The following FNBP1 variants were observed in gnomAD, a reference collection of about 807,000 sequenced individuals.
FNBP1 encodes formin binding protein 1.
In FNBP1, 26 loss-of-function variants were observed where a neutral mutation model predicts 90.6. The observed-to-expected ratio is 0.29, with a 90% confidence interval of 0.21 to 0.40. The LOEUF (loss-of-function observed/expected upper bound fraction) is 0.40. FNBP1 is among the 10% of genes least tolerant of loss of function. The probability of loss-of-function intolerance (pLI) is 1.00; values close to 1 mark genes in which losing one functional copy is unlikely to be tolerated. For synonymous variants in FNBP1, 260 were observed against 265.2 expected (o/e 0.98, Z 0.19); for missense variants, 635 against 768.0 (o/e 0.83, Z 2.05).
At position 129,957,604 on chromosome 9, in the gene FNBP1, T is replaced by C; in HGVS notation, c.409-140A>G. 1.4e-6 allele frequency: 1 copy of C among 698,590 alleles called. No individual in the cohort carries two copies. The highest frequency in any genetic ancestry group is 1.9e-5 in the South Asian group (1 of 51,778). The allele number at this position is 698,590 out of a possible 1,614,324, so 43.3% of individuals were successfully genotyped here. On this transcript the variant is annotated intron_variant, in intron 5 of 16. Coordinates refer to ENST00000446176, the MANE Select transcript of FNBP1 (RefSeq NM_015033.3). This position sits in a 1 kb window ranked among gnomAD's most constrained non-coding sequence, Gnocchi z 4.3. ...TCTCACTTTGTCACCCAGGCTGGAGTGCAGTGGCGCCATCTTGGCTCACTG... is the reference window on the plus strand; with the variant it reads ...TCTCACTTTGTCACCCAGGCTGGAGCGCAGTGGCGCCATCTTGGCTCACTG...
chr9:129,946,077 G>A (rs557024905), intron 6 of FNBP1, among the ~76,000 whole-genome samples: 434 of 152,212 alleles, frequency 2.9e-3, no homozygotes, highest in Middle Eastern at 0.017. Context: ...GCTGAGGCAC[G>A]AGAATCACTT....
At chr9:129,967,254 G>A (rs1003465250) in intron 4 of FNBP1, among the ~76,000 whole-genome samples, 4 of 152,336 alleles carry the variant, frequency 2.6e-5, no homozygotes, top group South Asian at 4.1e-4. Flanking sequence ...GGTGGCTCAC[G>A]CCTGTGATCC....
intron 6 of FNBP1, among the ~76,000 whole-genome samples, chr9:129,955,077 G>C (rs2046720673): frequency 6.6e-6 from 1 of 152,030 alleles, no homozygotes; most frequent in Non-Finnish European, 1.5e-5. Context: ...AGTCCACAAT[G>C]ATGACTCAGC....
upstream of FNBP1, among the ~76,000 whole-genome samples, chr9:130,046,634 C>T (rs1012985836): frequency 2.0e-4 from 29 of 146,798 alleles, no homozygotes; most frequent in African/African-American, 6.8e-4. Context: ...CCAGTGTGGT[C>T]ATGGGTGCCT....
Position 129,916,106 on chromosome 9 carries a change from A to G in FNBP1, c.1171-126T>C. ...GTTCCGCCATATTAAAATAACACACACGTCTACCCGCTGATTTATAAAAAT... is the reference window on the plus strand; with the variant it reads ...GTTCCGCCATATTAAAATAACACACGCGTCTACCCGCTGATTTATAAAAAT... On this transcript the variant is annotated intron_variant, in intron 10 of 16. Transcript: ENST00000446176. 9.1e-6 allele frequency: 6 copies of G among 659,452 alleles called. No homozygotes were observed. The South Asian group carries it at 1.1e-4, about 12-fold the overall frequency. 40.9% of individuals were successfully genotyped at this position (659,452 alleles called of 1,614,324 possible).
At chr9:129,996,034 C>T (rs1267281256) in intron 1 of FNBP1, among the ~76,000 whole-genome samples, 2 of 152,038 alleles carry the variant, frequency 1.3e-5, no homozygotes, top group Non-Finnish European at 2.9e-5. Context: ...TGGAGGCTGG[C>T]AAGGGTATGA....
the FNBP1 span, among the ~76,000 whole-genome samples, chr9:130,049,708 AAT>A: frequency 2.0e-5 from 3 of 151,954 alleles, no homozygotes; most frequent in Non-Finnish European, 2.9e-5. Context: ...CTCAAAAAAA[AAT>A]AAAAATAAAA....
intron 1 of FNBP1, among the ~76,000 whole-genome samples, chr9:130,004,498 C>T (rs1206150149): frequency 1.3e-5 from 2 of 152,142 alleles, no homozygotes; most frequent in Admixed American, 6.6e-5. Context: ...GCTATCTAGA[C>T]TGCTATTTCT....
intron 6 of FNBP1, among the ~76,000 whole-genome samples, chr9:129,943,384 CTTT>C (rs11415197): frequency 2.5e-4 from 26 of 102,654 alleles, no homozygotes; most frequent in Admixed American, 5.1e-4. Flanking sequence ...TCATTAATTG[CTTT>C]TTTTTTTTTT....
chr9:129,924,481 C>T (rs1239197160), intron 9 of FNBP1, among the ~76,000 whole-genome samples: 1 of 152,232 alleles, frequency 6.6e-6, no homozygotes, highest in East Asian at 1.9e-4. Flanking sequence ...TCATATTCTA[C>T]GTCCCCAGGT....
At chr9:129,997,046 C>T (rs1005034878) in intron 1 of FNBP1, among the ~76,000 whole-genome samples, 3 of 151,276 alleles carry the variant, frequency 2.0e-5, no homozygotes, top group South Asian at 2.1e-4. Context: ...AGATTTTGGC[C>T]AGGTGAGGTG....
chr9:129,983,479 T>G lies in FNBP1; in HGVS notation c.141-4105A>C, dbSNP rs1202364687. ...AAAGATCAACTTTCCATTGCTGTTC[T>G]CTTGGGACAAGGTTTTTGCCCTATT... On this transcript the variant is annotated intron_variant, in intron 2 of 16. Coordinates refer to ENST00000446176, the MANE Select transcript of FNBP1 (RefSeq NM_015033.3). Among the ~76,000 whole-genome samples the G allele has an allele frequency of 3.9e-5, 6 of 152,226 alleles. No individual in the cohort carries two copies. In the East Asian group the frequency reaches 1.2e-3, roughly 29 times the overall value.
chr9:130,027,965 G>A (rs2058501657), intron 1 of FNBP1, among the ~76,000 whole-genome samples: 1 of 151,850 alleles, frequency 6.6e-6, no homozygotes, highest in Non-Finnish European at 1.5e-5. Context: ...GTTGCTCAGG[G>A]TAGTCTCAAA....
At chr9:130,049,322 G>C in the FNBP1 span, among the ~76,000 whole-genome samples, 7 of 152,216 alleles carry the variant, frequency 4.6e-5, no homozygotes, top group African/African-American at 7.2e-5. Context: ...CTGGTAAATT[G>C]AGGCTGCAGT....
chr9:129,915,474 C>G (rs1411557933), intron 11 of FNBP1, among the ~76,000 whole-genome samples: 1 of 152,126 alleles, frequency 6.6e-6, no homozygotes, highest in Non-Finnish European at 1.5e-5. Context: ...AAGCAGTTCT[C>G]TGCCTCAGCC....
At chr9:130,039,400 C>T (rs937419358) in intron 1 of FNBP1, among the ~76,000 whole-genome samples, 2 of 152,102 alleles carry the variant, frequency 1.3e-5, no homozygotes, top group Admixed American at 6.6e-5. Flanking sequence ...TAAGCCTGGG[C>T]GAGGTAGCTC....
intron 2 of FNBP1, among the ~76,000 whole-genome samples, chr9:129,993,544 G>A (rs1462872047): frequency 6.7e-6 from 1 of 148,664 alleles, no homozygotes; most frequent in Admixed American, 6.7e-5. Flanking sequence ...TGAAGTCTCT[G>A]GGCTCACACT....
intron 12 of FNBP1, among the ~76,000 whole-genome samples, chr9:129,905,891 G>GTT (rs936822355): frequency 1.7e-5 from 2 of 116,530 alleles, no homozygotes; most frequent in African/African-American, 3.3e-5. Context: ...TTTTTTTTTT[G>GTT]TTTTTTTTTG....
At chr9:129,953,605 C>G (rs549702028) in intron 6 of FNBP1, among the ~76,000 whole-genome samples, 1 of 151,806 alleles carries the variant, frequency 6.6e-6, no homozygotes, top group Non-Finnish European at 1.5e-5. Flanking sequence ...AGAGATTAAA[C>G]AGTAAAAGAA....
Sources: gnomAD v4.1 joint callset for allele counts (sites outside exome capture counted in the v4.1 genomes callset) on GRCh38, gnomAD v4.1.1 for gene constraint, Gnocchi (gnomAD v3.1) non-coding constraint, MANE v1.5 for transcripts, NCBI Gene and HGNC (gene_info 2026-07-23, HGNC 2026-07-21) for gene names.